SGSM3: variants seen among roughly 807,000 people sequenced by gnomAD.
SGSM3 encodes small G protein signaling modulator 3, also known as RUN and SH3 containing 3.
In SGSM3, 96 loss-of-function variants were observed where a neutral mutation model predicts 100.5. That is an observed-to-expected ratio of 0.96 (90% CI 0.81 to 1.13). SGSM3 has a LOEUF of 1.13. SGSM3 is among the 50% of genes most tolerant of loss of function. SGSM3 has a pLI of 0.00. For synonymous variants in SGSM3, 483 were observed against 422.8 expected, an observed-to-expected ratio of 1.14 and a Z score of -1.75; for missense variants, 1,001 against 1,015.8, an observed-to-expected ratio of 0.99 and a Z score of 0.20.
chr22:40,382,363 T>C (rs1274020477), intron 1 of SGSM3, among the ~76,000 whole-genome samples: 2 of 152,052 alleles, frequency 1.3e-5, no homozygotes, highest in Non-Finnish European at 2.9e-5. Context: ...TTTCCTGGGG[T>C]ATCTCAAGCA....
Position 40,409,496 on chromosome 22 carries a change from C to T in SGSM3, c.2143C>T (p.Gln715Ter). Residue 715 changes from glutamine (Q) to a stop codon, truncating the protein, a stop_gained, in exon 21 of 22, where the codon CAG becomes TAG. Coordinates refer to ENST00000248929, the MANE Select transcript of SGSM3 (RefSeq NM_015705.6). LOFTEE classifies it high-confidence loss of function. ...VLCCFAFSLSQDWELPAKREA... is the reference protein window; with the variant it reads ...VLCCFAFSLS ...CTGCTGCTTTGCCTTCAGCCTCTCC[C>T]AGGACTGGGAGCTCCCTGCGAAGAG... The T allele has an allele frequency of 6.3e-7, 1 of 1,591,486 alleles. No homozygotes were observed. Among genetic ancestry groups the T allele is most frequent in the Non-Finnish European group, 8.6e-7 (1 of 1,168,754 alleles).
chr22:40,372,178 G>A (rs1289134333), intron 1 of SGSM3, among the ~76,000 whole-genome samples: 6 of 126,646 alleles, frequency 4.7e-5, no homozygotes, highest in African/African-American at 1.5e-4. Flanking sequence ...CCAGGCTGGA[G>A]TGCAGTGGCG....
intron 1 of SGSM3, among the ~76,000 whole-genome samples, chr22:40,395,291 A>G (rs374600494): frequency 6.6e-6 from 1 of 151,586 alleles, no homozygotes; most frequent in East Asian, 1.9e-4. Context: ...CTCCACTTGG[A>G]TTTCTAAATA....
chr22:40,405,367 C>CT, intron 7 of SGSM3, 83 bp downstream of exon 7: 3 of 1,305,330 alleles, frequency 2.3e-6, no homozygotes, highest in South Asian at 1.7e-5. Flanking sequence ...CGCTACGGGG[C>CT]AGTAGCCCCA....
chr22:40,380,368 T>TA (rs919717188), intron 1 of SGSM3, among the ~76,000 whole-genome samples: 2 of 151,092 alleles, frequency 1.3e-5, no homozygotes, highest in African/African-American at 4.9e-5. Flanking sequence ...TCTATAATTT[T>TA]TTTTTTTTTT....
chr22:40,397,581 G>A (rs2050200758), intron 1 of SGSM3, among the ~76,000 whole-genome samples: 1 of 152,176 alleles, frequency 6.6e-6, no homozygotes, highest in African/African-American at 2.4e-5. Context: ...AGCTCACTGA[G>A]AATGAAGCCC....
At chr22:40,405,386 TC>T in intron 7 of SGSM3, 102 bp downstream of exon 7, 1 of 1,189,652 alleles carries the variant, frequency 8.4e-7, no homozygotes, top group Non-Finnish European at 1.1e-6. Flanking sequence ...CAGGGCCTCC[TC>T]CAGGACCCCT....
At chr22:40,394,733 A>G (rs1222961643) in intron 1 of SGSM3, among the ~76,000 whole-genome samples, 2 of 151,194 alleles carry the variant, frequency 1.3e-5, no homozygotes, top group African/African-American at 4.9e-5. Flanking sequence ...TTCCAACGTT[A>G]TCTGCTACTT....
rs1340401424 is a variant in SGSM3 at position 40,371,019 on chromosome 22, CG to C, written c.-112+332del. 2.0e-5 allele frequency among the ~76,000 whole-genome samples: 3 copies of C among 152,332 alleles called. No homozygotes were observed. The East Asian group carries it at 5.8e-4, about 29-fold the overall frequency. The stretch of plus-strand genomic sequence containing the variant: ...GCCGGGAGCGGTTTTACGAAAACCG[CG>C]CCTGAGGCGGGGGGCTTTCTAAAAA... On this transcript the variant is annotated intron_variant, in intron 1 of 21. Transcript: ENST00000248929.
chr22:40,408,660 T>C lies in SGSM3; in HGVS notation c.1816T>C (p.Ser606Pro). Residue 606 changes from serine to proline, a missense_variant, in exon 17 of 22, where the codon TCC (serine) becomes CCC (proline). Physicochemically the swap from Ser to Pro is moderately conservative, Grantham distance 74. Coordinates refer to ENST00000248929, the MANE Select transcript of SGSM3 (RefSeq NM_015705.6). ...CCGGGAGGTCGAGAGAGACTTTGCC[T>C]CCGTGTATTCCCGTCTGGTGCTCTG... ...AGREVERDFA[S>P]VYSRLVLCKT... is the part of the protein sequence containing the mutation. 6.2e-7 allele frequency: 1 copy of C among 1,614,018 alleles called. No individual in the cohort carries two copies. Among genetic ancestry groups the C allele is most frequent in the Non-Finnish European group, 8.5e-7 (1 of 1,180,008 alleles).
In SGSM3 at chr22:40,400,822, A is replaced by G; in HGVS notation, c.7+9A>G. 1.3e-6 allele frequency: 2 copies of G among 1,539,548 alleles called. No individual in the cohort carries two copies. Among genetic ancestry groups the G allele is most frequent in the Non-Finnish European group, 8.7e-7 (1 of 1,143,224 alleles). On this transcript the variant is annotated intron_variant, in intron 2 of 21. Transcript: ENST00000248929. Reference sequence around the variant, plus strand: ...CACCAGCACAATGTCAGGTAGAGGCAGGGGCTGGACTTGGAAACGGGGTTT... The same window carrying G: ...CACCAGCACAATGTCAGGTAGAGGCGGGGGCTGGACTTGGAAACGGGGTTT...
At chr22:40,389,930 AAAG>A (rs2146882208) in intron 1 of SGSM3, among the ~76,000 whole-genome samples, 1 of 151,898 alleles carries the variant, frequency 6.6e-6, no homozygotes, top group African/African-American at 2.4e-5. Context: ...AAAAAAAAAA[AAAG>A]AACTGCAGTG....
Position 40,408,699 on chromosome 22 carries a change from TA to T in SGSM3, c.1853+4del. The T allele has an allele frequency of 6.2e-7, 1 of 1,614,006 alleles. No homozygotes were observed. Among genetic ancestry groups the T allele is most frequent in the Non-Finnish European group, 8.5e-7 (1 of 1,180,012 alleles). ...TCTGGTGCTCTGTAAGACCTTCAGGTAACTCGGCCCGGGTTCTTCTGGTGGG... is the reference window on the plus strand; with the variant it reads ...TCTGGTGCTCTGTAAGACCTTCAGGTACTCGGCCCGGGTTCTTCTGGTGGG... On this transcript the variant is annotated splice_donor_region_variant and intron_variant, in intron 17 of 21. Coordinates refer to ENST00000248929, the MANE Select transcript of SGSM3 (RefSeq NM_015705.6).
At chr22:40,374,917 T>C (rs2046302410) in intron 1 of SGSM3, among the ~76,000 whole-genome samples, 1 of 152,198 alleles carries the variant, frequency 6.6e-6, no homozygotes, top group Non-Finnish European at 1.5e-5. Context: ...CTATCAGTAG[T>C]AGCATATGAC....
Position 40,404,449 on chromosome 22 carries a change from G to A in SGSM3, c.360G>A (p.Arg120=). The part of the protein sequence containing the change: ...LVLAGIPHGM[R]PQLWMRLSGA... ...TGGCCGGCATCCCACATGGCATGAG[G>A]CCACAGGTAAGGTGGCCACAGGGAC... is the stretch of plus-strand genomic sequence containing the variant. Residue 120 remains arginine (R), a synonymous_variant, in exon 5 of 22, where the codon AGG becomes AGA. Transcript: ENST00000248929. 6.2e-7 allele frequency: 1 copy of A among 1,605,434 alleles called. No individual in the cohort carries two copies. The highest frequency in any genetic ancestry group is 8.5e-7 in the Non-Finnish European group (1 of 1,175,126).
At chr22:40,409,078 A>AG (rs938415618) in intron 19 of SGSM3, 60 bp downstream of exon 19, 204 of 1,551,362 alleles carry the variant, frequency 1.3e-4, no homozygotes, top group Middle Eastern at 2.2e-4. Context: ...GCCCAGCATC[A>AG]GGGGGGGTCC....
At chr22:40,387,805 T>G (rs2048714601) in intron 1 of SGSM3, among the ~76,000 whole-genome samples, 1 of 152,128 alleles carries the variant, frequency 6.6e-6, no homozygotes, top group Non-Finnish European at 1.5e-5. Context: ...GTAACCAGAT[T>G]ACTGTGGATG....
At chr22:40,377,752 G>A (rs1418014921) in intron 1 of SGSM3, among the ~76,000 whole-genome samples, 2 of 151,872 alleles carry the variant, frequency 1.3e-5, no homozygotes, top group Middle Eastern at 3.4e-3. Flanking sequence ...AGGCTGAGGT[G>A]GGAAGATTAC....
At chr22:40,409,208 C>T (rs201989838) in intron 19 of SGSM3, 42 bp from the exon 20 acceptor site, 28 of 1,567,754 alleles carry the variant, frequency 1.8e-5, no homozygotes, top group Non-Finnish European at 1.6e-5. Flanking sequence ...GCCAGAAGGG[C>T]CTGGAGCTGC....
Sources: gnomAD v4.1 joint callset for allele counts (sites outside exome capture counted in the v4.1 genomes callset) on GRCh38, gnomAD v4.1.1 for gene constraint, MANE v1.5 for transcripts, NCBI Gene and HGNC (gene_info 2026-07-23, HGNC 2026-07-21) for gene names.